The following DEDD variants were observed in gnomAD, a reference collection of about 807,000 sequenced individuals.
DEDD encodes the protein death effector domain containing.
Under a neutral mutation model 29.2 loss-of-function variants are expected in DEDD, and 3 were observed. The ratio of observed to expected loss-of-function variants is 0.10; its 90% CI spans 0.05 to 0.27. The LOEUF is 0.27. Among genes scored for constraint, DEDD ranks in the 10% least tolerant of loss-of-function variants. The probability of loss-of-function intolerance (pLI) is 1.00; values close to 1 mark genes in which losing one functional copy is unlikely to be tolerated. For missense variants in DEDD, 261 were observed against 420.5 expected (o/e 0.62, Z 3.32); for synonymous variants, 152 against 161.3 (o/e 0.94, Z 0.44).
chr1:161,122,153 C>A lies in DEDD; in HGVS notation c.951G>T (p.Leu317Phe). 1 of 1,612,858 alleles carries A rather than the reference C, an allele frequency of 6.2e-7. No individual in the cohort carries two copies. The highest frequency in any genetic ancestry group is 8.5e-7 in the Non-Finnish European group (1 of 1,179,980). Residue 317 changes from leucine to phenylalanine, a missense_variant, in exon 6 of 6, where the codon TTG (leucine) becomes TTT (phenylalanine). Around this residue, in one of 2 missense-constraint regions of DEDD, gnomAD observed 58 missense variants for 151.8 expected, o/e 0.38. Transcript: ENST00000368006. The surrounding 1 kb of genome is among the most constrained non-coding windows in gnomAD (Gnocchi z 4.2). ...AGTGAGAAGAGGGAATAGGTCAGGG[C>A]AATGCTTGCAGCATCAAGTTCCTCA... ...KLLRNLMLQA[L>F]P is the part of the protein sequence containing the mutation.
intron 4 of DEDD, among the ~76,000 whole-genome samples, chr1:161,123,584 C>G (rs1180977310): frequency 2.7e-5 from 4 of 149,430 alleles, no homozygotes; most frequent in African/African-American, 9.9e-5. Flanking sequence ...TGCAGTGAAC[C>G]GAGATTGCGC....
chr1:161,123,349 G>A (rs1655744771), intron 4 of DEDD, 128 bp from the exon 5 acceptor site: 4 of 924,670 alleles, frequency 4.3e-6, no homozygotes, highest in Non-Finnish European at 6.5e-6. Context: ...GACTTGAAAA[G>A]ACATGTGAGA....
rs1655930673 is a variant in DEDD at position 161,124,396 on chromosome 1, G to C, written c.67C>G (p.Leu23Val). The C allele has an allele frequency of 6.2e-7, 1 of 1,613,576 alleles. No homozygotes were observed. Among genetic ancestry groups the C allele is most frequent in the East Asian group, 2.2e-5 (1 of 44,868 alleles). Reference sequence around the variant, plus strand: ...TCAAACATGCGGTGCAGGCTGTACAGCCCATGTTCCTGCTCACCATGCTCT... The same window carrying C: ...TCAAACATGCGGTGCAGGCTGTACACCCCATGTTCCTGCTCACCATGCTCT... Reference protein sequence around the residue: ...PEEHGEQEHGLYSLHRMFDIV... With the variant: ...PEEHGEQEHGVYSLHRMFDIV... The change falls in exon 3 of 6, where the codon CTG becomes GTG. Residue 23 changes from leucine to valine, a missense_variant. By Grantham distance (32) the Leu-to-Val change is conservative. Transcript: ENST00000368006.
intron 4 of DEDD, among the ~76,000 whole-genome samples, 176 bp downstream of exon 4, chr1:161,123,661 CAT>C (rs961743261): frequency 7.5e-5 from 11 of 147,234 alleles, no homozygotes; most frequent in South Asian, 2.1e-4. Context: ...AAAGACAAGA[CAT>C]GTGAGAGCAA....
Position 161,121,885 on chromosome 1 carries a change from T to G in DEDD, c.*262A>C. ...TAGACTTTGCTTCTTCCTATACATT[T>G]GTCTTACGGCTCAGTGGTAAGGTAG... On this transcript the variant is annotated 3_prime_UTR_variant, in exon 6 of 6. Transcript: ENST00000368006. The G allele has an allele frequency of 4.6e-6, 2 of 437,090 alleles. No individual in the cohort carries two copies. The highest frequency in any genetic ancestry group is 7.6e-5 in the East Asian group (2 of 26,204). The allele number at this position is 437,090 out of a possible 1,614,324, so 27.1% of individuals were successfully genotyped here.
intron 2 of DEDD, among the ~76,000 whole-genome samples, chr1:161,130,181 A>T (rs1372578092): frequency 6.6e-6 from 1 of 152,224 alleles, no homozygotes; most frequent in Non-Finnish European, 1.5e-5. Flanking sequence ...AACAGGGATG[A>T]TATTTGTAAT....
intron 1 of DEDD, among the ~76,000 whole-genome samples, chr1:161,131,882 C>G (rs1033334656): frequency 1.3e-5 from 2 of 152,054 alleles, no homozygotes; most frequent in South Asian, 2.1e-4. Flanking sequence ...TGCAGCTCCA[C>G]TGTCCTATCT....
Position 161,122,859 on chromosome 1 carries a change from C to T in DEDD, c.580+216G>A. The T allele has an allele frequency of 1.2e-6, 1 of 857,262 alleles. No individual in the cohort carries two copies. Among genetic ancestry groups the T allele is most frequent in the East Asian group, 2.7e-5 (1 of 37,734 alleles). The allele number at this position is 857,262 out of a possible 1,614,324, so 53.1% of individuals were successfully genotyped here. A position where few individuals can be genotyped will look rare whatever the true frequency, so the allele number is the denominator to read the frequency against. ...TACAATAAGGATGTCATAACAACAT[C>T]CCTGTGATGTAGTATTAACTAACAA... On this transcript the variant is annotated intron_variant, in intron 5 of 5. Coordinates refer to ENST00000368006, the MANE Select transcript of DEDD (RefSeq NM_032998.3). This position sits in a 1 kb window ranked among gnomAD's most constrained non-coding sequence, Gnocchi z 4.2.
rs1182421262 is a variant in DEDD, at chr1:161,130,585, C to CAA, written c.-65+228_-65+229dup. Among the ~76,000 whole-genome samples, 2 of 152,062 alleles carry CAA rather than the reference C, an allele frequency of 1.3e-5. 1 individual carries two copies. Among genetic ancestry groups the CAA allele is most frequent in the East Asian group, 3.9e-4 (2 of 5,176 alleles). ...CCAAGAAGACTAGACAATAACAAAC[C>CAA]AAAGCTGGGGGATTGTCCCAAGACA... is the stretch of plus-strand genomic sequence containing the variant. On this transcript the variant is annotated intron_variant, in intron 2 of 5. Transcript: ENST00000368006.
In DEDD at chr1:161,122,536, GAA is replaced by G; in HGVS notation, c.581-15_581-14del. On this transcript the variant is annotated splice_polypyrimidine_tract_variant and intron_variant, in intron 5 of 5. Transcript: ENST00000368006. This position sits in a 1 kb window ranked among gnomAD's most constrained non-coding sequence, Gnocchi z 4.2. ...CGCAGTCTGATGTCTGTTGGAAACA[GAA>G]GATACAGAGCAGAAGAGGTTACAGT... 1 of 1,611,528 alleles carries G rather than the reference GAA, an allele frequency of 6.2e-7. No homozygotes were observed. The highest frequency in any genetic ancestry group is 2.2e-5 in the East Asian group (1 of 44,806).
Position 161,124,294 on chromosome 1 carries a change from C to T in DEDD, c.169G>A (p.Glu57Lys). ...CGTCCATTTCGGATGAGTCCACGCT[C>T]GTGGTCATCAATGACATCAACAAAG... ...FLFVDVIDDH[E>K]RGLIRNGRDF... The change falls in exon 3 of 6, where the codon GAG becomes AAG. Residue 57 changes from glutamate (E) to lysine (K), a missense_variant. Physicochemically the swap from Glu to Lys is moderately conservative, Grantham distance 56 (BLOSUM62 1). Coordinates refer to ENST00000368006, the MANE Select transcript of DEDD (RefSeq NM_032998.3). The T allele has an allele frequency of 6.2e-6, 10 of 1,614,214 alleles. No individual in the cohort carries two copies. The highest frequency in any genetic ancestry group is 8.5e-6 in the Non-Finnish European group (10 of 1,180,038).
intron 2 of DEDD, 91 bp from the exon 3 acceptor site, chr1:161,124,617 C>T (rs1425190160): frequency 1.4e-6 from 2 of 1,411,276 alleles, no homozygotes; most frequent in East Asian, 5.0e-5. Flanking sequence ...CAATGCCTGG[C>T]ACAGTATAGT....
rs1371715445 is a variant in DEDD at position 161,122,051 on chromosome 1, G to A, written c.*96C>T. On this transcript the variant is annotated 3_prime_UTR_variant, in exon 6 of 6. Transcript: ENST00000368006. The surrounding 1 kb of genome is among the most constrained non-coding windows in gnomAD (Gnocchi z 4.2). ...AAAAAAAAAAAAAAAAGGCAGGGGT[G>A]TGATTGGTTGGAAGGGTAGAGAACA... is the stretch of plus-strand genomic sequence containing the variant. 2.9e-6 allele frequency: 4 copies of A among 1,399,010 alleles called. No individual in the cohort carries two copies. The highest frequency in any genetic ancestry group is 3.8e-6 in the Non-Finnish European group (4 of 1,045,826). 86.7% of individuals were successfully genotyped at this position (1,399,010 alleles called of 1,614,324 possible). A position where few individuals can be genotyped will look rare whatever the true frequency, so the allele number is the denominator to read the frequency against.
rs371823914 is a variant in DEDD at position 161,123,820 on chromosome 1, G to C, written c.433+19C>G. ...TTTTACTTGATGATGGAAAGCAGGGGGAGTTAATGTCTTCTCACCTGTTTT... is the reference window on the plus strand; with the variant it reads ...TTTTACTTGATGATGGAAAGCAGGGCGAGTTAATGTCTTCTCACCTGTTTT... On this transcript the variant is annotated intron_variant, in intron 4 of 5. Coordinates refer to ENST00000368006, the MANE Select transcript of DEDD (RefSeq NM_032998.3). 516 of 1,592,850 alleles carry C rather than the reference G, an allele frequency of 3.2e-4. 9 individuals are homozygous for C. In the South Asian group the frequency reaches 5.4e-3, roughly 17 times the overall value.
At position 161,121,155 on chromosome 1, in the gene DEDD, T is replaced by C; in HGVS notation, c.*992A>G. 9.4e-7 allele frequency: 1 copy of C among 1,058,674 alleles called. No homozygotes were observed. Among genetic ancestry groups the C allele is most frequent in the Non-Finnish European group, 1.1e-6 (1 of 873,234 alleles). 65.6% of individuals were successfully genotyped at this position (1,058,674 alleles called of 1,614,324 possible). On this transcript the variant is annotated 3_prime_UTR_variant, in exon 6 of 6. Coordinates refer to ENST00000368006, the MANE Select transcript of DEDD (RefSeq NM_032998.3). ...CTCCAGTTCTAGACCTCCTGGCTCA[T>C]TCAACATGCCTCCCTACCTAAATAA...
chr1:161,126,547 T>G (rs567505134), intron 2 of DEDD, among the ~76,000 whole-genome samples: 266 of 152,008 alleles, frequency 1.7e-3, no homozygotes, highest in African/African-American at 5.9e-3. Flanking sequence ...TTTCACCATA[T>G]TGGCCAGACT....
In DEDD at chr1:161,124,256, C is replaced by G. The variant is rs1370250592; in HGVS notation, c.207G>C (p.Leu69Phe). 1 of 1,614,196 alleles carries G rather than the reference C, an allele frequency of 6.2e-7. No individual in the cohort carries two copies. Among genetic ancestry groups the G allele is most frequent in the Admixed American group, 1.7e-5 (1 of 60,032 alleles). The stretch of plus-strand genomic sequence containing the variant: ...CACAGCGGCCCTGGCGCTCCAGTGC[C>G]AATAAGAAGTCACGTCCATTTCGGA... Reference protein sequence around the residue: ...GLIRNGRDFLLALERQGRCDE... With the variant: ...GLIRNGRDFLFALERQGRCDE... The change falls in exon 3 of 6, where the codon TTG becomes TTC. Residue 69 changes from leucine (L) to phenylalanine (F), a missense_variant. Around this residue, in one of 2 missense-constraint regions of DEDD, gnomAD observed 203 missense variants for 268.7 expected, o/e 0.76. Transcript: ENST00000368006.
chr1:161,122,816 A>G lies in DEDD; in HGVS notation c.580+259T>C, dbSNP rs1264282191. Among the ~76,000 whole-genome samples, 1 of 152,156 alleles carries G rather than the reference A, an allele frequency of 6.6e-6. No homozygotes were observed. Among genetic ancestry groups the G allele is most frequent in the Non-Finnish European group, 1.5e-5 (1 of 68,026 alleles). ...ACCAGGCATAGAAGTTCATTTTAATACTCGACTTGGCTCATCCTACAATAA... is the reference window on the plus strand; with the variant it reads ...ACCAGGCATAGAAGTTCATTTTAATGCTCGACTTGGCTCATCCTACAATAA... On this transcript the variant is annotated intron_variant, in intron 5 of 5. Coordinates refer to ENST00000368006, the MANE Select transcript of DEDD (RefSeq NM_032998.3). The surrounding 1 kb of genome is among the most constrained non-coding windows in gnomAD (Gnocchi z 4.2).
intron 2 of DEDD, among the ~76,000 whole-genome samples, chr1:161,128,736 A>G (rs1010053966): frequency 6.6e-6 from 1 of 152,114 alleles, no homozygotes; most frequent in Non-Finnish European, 1.5e-5. Context: ...AAAAGAATGC[A>G]TGTCACTTTC....
Sources: gnomAD v4.1 joint callset for allele counts (sites outside exome capture counted in the v4.1 genomes callset) on GRCh38, gnomAD v4.1.1 for gene constraint, gnomAD v4.1.1 regional missense constraint, Gnocchi (gnomAD v3.1) non-coding constraint, MANE v1.5 for transcripts, NCBI Gene and HGNC (gene_info 2026-07-23, HGNC 2026-07-21) for gene names.